UNC5D: variants seen among roughly 807,000 people sequenced by gnomAD.
UNC5D encodes netrin receptor UNC5D.
Under a neutral mutation model 105.4 loss-of-function variants are expected in UNC5D, and 39 were observed. The ratio of observed to expected loss-of-function variants is 0.37; its 90% CI spans 0.29 to 0.48. The LOEUF (loss-of-function observed/expected upper bound fraction) is 0.48. Ranked by LOEUF, UNC5D falls within the 20% of genes least tolerant of loss-of-function variation. The pLI is 0.98. For missense variants in UNC5D, 991 were observed against 1,202.4 expected (o/e 0.82, Z 2.60); for synonymous variants, 452 against 450.4 (o/e 1.00, Z -0.04).
chr8:35,268,323 TG>T (rs1202845645), intron 1 of UNC5D, among the ~76,000 whole-genome samples: 3 of 152,046 alleles, frequency 2.0e-5, no homozygotes, highest in Non-Finnish European at 4.4e-5. Context: ...AACTGAACAA[TG>T]ATTAAATTAC....
intron 1 of UNC5D, among the ~76,000 whole-genome samples, chr8:35,336,414 G>A (rs1811046160): frequency 6.6e-6 from 1 of 152,188 alleles, no homozygotes; most frequent in African/African-American, 2.4e-5. Flanking sequence ...GAAACATTGG[G>A]TGGAAATCAT....
intron 4 of UNC5D, among the ~76,000 whole-genome samples, chr8:35,600,044 C>A (rs1819754060): frequency 6.6e-6 from 1 of 151,944 alleles, no homozygotes; most frequent in African/African-American, 2.4e-5. Flanking sequence ...TGAGTGAGAA[C>A]ATGAGGTGTT....
intron 2 of UNC5D, among the ~76,000 whole-genome samples, chr8:35,566,897 G>C (rs1817377873): frequency 6.6e-6 from 1 of 152,136 alleles, no homozygotes; most frequent in South Asian, 2.1e-4. Context: ...TTCCCTGTTT[G>C]TGATGAGTTA....
chr8:35,291,411 T>C (rs1807056720), intron 1 of UNC5D, among the ~76,000 whole-genome samples: 1 of 152,220 alleles, frequency 6.6e-6, no homozygotes, highest in Non-Finnish European at 1.5e-5. Flanking sequence ...CTAAGTACCA[T>C]AAAGGATATG....
chr8:35,651,116 G>A (rs978141458), intron 4 of UNC5D, among the ~76,000 whole-genome samples: 2 of 152,120 alleles, frequency 1.3e-5, no homozygotes, highest in Non-Finnish European at 2.9e-5. Flanking sequence ...AGAGCCCTGG[G>A]TGGAGAATAA....
intron 1 of UNC5D, among the ~76,000 whole-genome samples, chr8:35,415,558 C>A (rs1216661627): frequency 6.6e-6 from 1 of 152,110 alleles, no homozygotes; most frequent in Non-Finnish European, 1.5e-5. Context: ...CCCCCTGATT[C>A]CCTTTCATCA....
intron 14 of UNC5D, 78 bp downstream of exon 14, chr8:35,759,547 GCT>G: frequency 1.3e-6 from 2 of 1,515,178 alleles, no homozygotes; most frequent in Non-Finnish European, 1.8e-6. Context: ...GCAAGGGTCT[GCT>G]TGATTTTCCT....
intron 1 of UNC5D, among the ~76,000 whole-genome samples, chr8:35,505,823 C>T (rs1233110171): frequency 6.6e-6 from 1 of 152,158 alleles, no homozygotes; most frequent in Non-Finnish European, 1.5e-5. Flanking sequence ...GCTCTGGAGC[C>T]GGACTGCCTT....
chr8:35,537,744 T>G, intron 1 of UNC5D, among the ~76,000 whole-genome samples: 1 of 150,382 alleles, frequency 6.6e-6, no homozygotes, highest in Middle Eastern at 3.5e-3. Context: ...TTTATACATA[T>G]AATTAAATAA....
intron 1 of UNC5D, among the ~76,000 whole-genome samples, chr8:35,296,159 G>A (rs1468659689): frequency 6.6e-6 from 1 of 152,114 alleles, no homozygotes; most frequent in Non-Finnish European, 1.5e-5. Flanking sequence ...TATTCCTTTT[G>A]TTTCCTTCAG....
chr8:35,491,392 A>G (rs184431499), intron 1 of UNC5D, among the ~76,000 whole-genome samples: 55 of 152,306 alleles, frequency 3.6e-4, no homozygotes, highest in African/African-American at 1.2e-3. Context: ...CAATAGGCCA[A>G]TGGGTGATAA....
chr8:35,292,032 G>A (rs189235864), intron 1 of UNC5D, among the ~76,000 whole-genome samples: 2 of 152,278 alleles, frequency 1.3e-5, no homozygotes, highest in African/African-American at 4.8e-5. Context: ...GCTAATTGAA[G>A]TTAGGCTATT....
At chr8:35,783,342 T>G (rs1237118042) in intron 16 of UNC5D, among the ~76,000 whole-genome samples, 1 of 152,134 alleles carries the variant, frequency 6.6e-6, no homozygotes, top group Non-Finnish European at 1.5e-5. Flanking sequence ...GGGCCGCAAC[T>G]CAAATGCAAT....
intron 1 of UNC5D, among the ~76,000 whole-genome samples, chr8:35,273,308 T>G (rs1805550231): frequency 6.6e-6 from 1 of 152,248 alleles, no homozygotes; most frequent in South Asian, 2.1e-4. Flanking sequence ...GCATGTATCT[T>G]ATCGTTCTGT....
intron 1 of UNC5D, among the ~76,000 whole-genome samples, chr8:35,408,010 T>C (rs1303629421): frequency 6.6e-6 from 1 of 152,262 alleles, no homozygotes; most frequent in African/African-American, 2.4e-5. Context: ...GCAATGAACA[T>C]ACACATGCAT....
chr8:35,369,038 A>G (rs1802286022), intron 1 of UNC5D, among the ~76,000 whole-genome samples: 6 of 152,240 alleles, frequency 3.9e-5, no homozygotes, highest in African/African-American at 1.4e-4. Flanking sequence ...CATATTAAAC[A>G]TGGCAGTCTG....
chr8:35,500,214 A>C (rs1811873925), intron 1 of UNC5D, among the ~76,000 whole-genome samples: 1 of 152,310 alleles, frequency 6.6e-6, no homozygotes, highest in Admixed American at 6.5e-5. Context: ...GAGACTGGGA[A>C]GTCCAAGAGC....
chr8:35,507,359 C>A (rs1023077892), intron 1 of UNC5D, among the ~76,000 whole-genome samples: 18 of 152,114 alleles, frequency 1.2e-4, no homozygotes, highest in African/African-American at 3.9e-4. Flanking sequence ...CGGCCCAGGG[C>A]TTTTCTTATC....
intron 1 of UNC5D, among the ~76,000 whole-genome samples, chr8:35,392,483 C>T (rs7008464): frequency 0.023 from 3,437 of 152,252 alleles, 132 homozygotes; most frequent in African/African-American, 0.079. Context: ...CTTTCAAAAG[C>T]GCTGGGATTA....
Sources: allele counts gnomAD v4.1 joint callset (sites outside exome capture counted in the v4.1 genomes callset), GRCh38; gene constraint gnomAD v4.1.1; transcripts MANE v1.5; gene names NCBI Gene and HGNC (gene_info 2026-07-23, HGNC 2026-07-21).